COL11A1: variants seen among roughly 807,000 people sequenced by gnomAD.
The protein encoded by COL11A1 is collagen type XI alpha 1 chain, also known as collagen alpha-1(XI) chain.
Under a neutral mutation model 265.2 loss-of-function variants are expected in COL11A1, and 74 were observed. The observed-to-expected ratio is 0.28, with a 90% CI of 0.23 to 0.34. COL11A1 has a LOEUF of 0.34. COL11A1 is among the 10% of genes least tolerant of loss of function. The pLI is 1.00. For synonymous variants in COL11A1, 816 were observed against 727.6 expected, an observed-to-expected ratio of 1.12 and a Z score of -1.96; for missense variants, 2,165 against 2,263.6, an observed-to-expected ratio of 0.96 and a Z score of 0.88.
At position 102,938,927 on chromosome 1, in the gene COL11A1, T is replaced by G. The variant is rs1658428150; in HGVS notation, c.3438+108A>C. The stretch of plus-strand genomic sequence containing the variant: ...TGCAGAGGTAATGTAGTATTGGTAT[T>G]ATAAGTATTGGCTAGGAAAGTAAGT... On this transcript the variant is annotated intron_variant, in intron 44 of 66. Coordinates refer to ENST00000370096, the MANE Select transcript of COL11A1 (RefSeq NM_001854.4). 3.3e-6 allele frequency: 3 copies of G among 902,912 alleles called. No individual in the cohort carries two copies. The Admixed American group carries it at 5.1e-5, about 15-fold the overall frequency. The allele number at this position is 902,912 out of a possible 1,614,324, so 55.9% of individuals were successfully genotyped here.
At chr1:102,917,074 A>G (rs1447946421) in intron 49 of COL11A1, among the ~76,000 whole-genome samples, 1 of 151,838 alleles carries the variant, frequency 6.6e-6, no homozygotes, top group Non-Finnish European at 1.5e-5. Flanking sequence ...AATTCACAGG[A>G]AACCAAAAAA....
At chr1:103,057,386 C>G (rs1053184128) in intron 4 of COL11A1, among the ~76,000 whole-genome samples, 2 of 152,166 alleles carry the variant, frequency 1.3e-5, no homozygotes, top group African/African-American at 4.8e-5. Flanking sequence ...TCTGCCGCAT[C>G]GGCATTGACT....
intron 5 of COL11A1, among the ~76,000 whole-genome samples, chr1:103,028,949 T>G (rs1667772140): frequency 6.6e-6 from 1 of 152,100 alleles, no homozygotes; most frequent in African/African-American, 2.4e-5. Context: ...CCATCATAAT[T>G]TTAATATTAG....
chr1:103,021,659 C>T (rs763001658), intron 9 of COL11A1, 48 bp downstream of exon 9: 27 of 1,202,378 alleles, frequency 2.2e-5, no homozygotes, highest in Non-Finnish European at 3.4e-5. Flanking sequence ...AATCGTGGCT[C>T]ATAAGCAATT....
intron 63 of COL11A1, among the ~76,000 whole-genome samples, 198 bp downstream of exon 63, chr1:102,886,609 T>C (rs1651012173): frequency 6.6e-6 from 1 of 152,182 alleles, no homozygotes; most frequent in Admixed American, 6.6e-5. Flanking sequence ...TAAAATCCCA[T>C]TTAACAGACA....
At chr1:103,095,893 G>C (rs992901016) in intron 1 of COL11A1, among the ~76,000 whole-genome samples, 2 of 152,004 alleles carry the variant, frequency 1.3e-5, no homozygotes, top group African/African-American at 2.4e-5. Flanking sequence ...ATGTGAATAT[G>C]TGAATACTGC....
At chr1:102,924,110 A>G (rs1656308239) in intron 46 of COL11A1, among the ~76,000 whole-genome samples, 1 of 151,514 alleles carries the variant, frequency 6.6e-6, no homozygotes, top group African/African-American at 2.4e-5. Flanking sequence ...AGTCACAGCT[A>G]CTCGGGAGGC....
intron 63 of COL11A1, chr1:102,884,298 A>C (rs907204141): frequency 1.3e-5 from 2 of 152,138 alleles, no homozygotes; most frequent in African/African-American, 2.4e-5. Context: ...ATACTACTCT[A>C]ACTGTTATAG....
chr1:102,929,059 G>A (rs1376984801), intron 46 of COL11A1, among the ~76,000 whole-genome samples: 1 of 146,050 alleles, frequency 6.8e-6, no homozygotes, highest in Non-Finnish European at 1.5e-5. Context: ...CACTCTGACG[G>A]TAGTTTATTT....
At chr1:102,974,225 C>T (rs192502673) in intron 36 of COL11A1, among the ~76,000 whole-genome samples, 28 of 152,132 alleles carry the variant, frequency 1.8e-4, no homozygotes, top group Non-Finnish European at 3.1e-4. Context: ...GTTCTATGTC[C>T]CCACAAATAT....
chr1:103,038,300 CA>C, intron 4 of COL11A1, among the ~76,000 whole-genome samples: 1 of 151,900 alleles, frequency 6.6e-6, no homozygotes, highest in East Asian at 1.9e-4. Context: ...CATTCTCCAC[CA>C]AAAAAATACG....
chr1:103,031,565 A>G (rs557220492), intron 4 of COL11A1, among the ~76,000 whole-genome samples: 2 of 152,234 alleles, frequency 1.3e-5, no homozygotes, highest in Admixed American at 1.3e-4. Flanking sequence ...AATGTGAGCA[A>G]AAGGCTAATT....
At chr1:103,066,175 C>G (rs1671129591) in intron 4 of COL11A1, among the ~76,000 whole-genome samples, 1 of 151,582 alleles carries the variant, frequency 6.6e-6, no homozygotes, top group Admixed American at 6.6e-5. Context: ...AAAAGTGTAT[C>G]CTAGAAAAAT....
At chr1:102,952,823 C>T (rs138321298) in intron 41 of COL11A1, among the ~76,000 whole-genome samples, 63 of 152,294 alleles carry the variant, frequency 4.1e-4, no homozygotes, top group Non-Finnish European at 7.5e-4. Flanking sequence ...TAAATATTCT[C>T]ATGCCAACTT....
intron 63 of COL11A1, among the ~76,000 whole-genome samples, chr1:102,884,880 A>G (rs1305584928): frequency 6.6e-6 from 1 of 152,138 alleles, no homozygotes; most frequent in East Asian, 1.9e-4. Context: ...TTTCACTCCT[A>G]TAACCCTTAG....
chr1:102,950,491 A>G (rs577582514), intron 41 of COL11A1, among the ~76,000 whole-genome samples: 1 of 152,248 alleles, frequency 6.6e-6, no homozygotes, highest in African/African-American at 2.4e-5. Context: ...CTTTTTGAGA[A>G]TATATTTATC....
chr1:102,990,124 G>T (rs190911294), intron 28 of COL11A1, among the ~76,000 whole-genome samples: 20 of 152,150 alleles, frequency 1.3e-4, no homozygotes, highest in African/African-American at 4.3e-4. Flanking sequence ...GGTCAAGGCT[G>T]CAGTGAGCCG....
chr1:103,094,242 A>T (rs1218129285), intron 1 of COL11A1, among the ~76,000 whole-genome samples: 1 of 152,144 alleles, frequency 6.6e-6, no homozygotes, highest in Non-Finnish European at 1.5e-5. Flanking sequence ...CTTGATGAGG[A>T]TGAATGCTTC....
intron 4 of COL11A1, among the ~76,000 whole-genome samples, chr1:103,047,688 C>G (rs1416468665): frequency 6.6e-6 from 1 of 152,092 alleles, no homozygotes; most frequent in Non-Finnish European, 1.5e-5. Context: ...TTCCAGTTTT[C>G]AAAGAGAATG....
Sources: gnomAD v4.1 joint callset for allele counts (sites outside exome capture counted in the v4.1 genomes callset) on GRCh38, gnomAD v4.1.1 for gene constraint, MANE v1.5 for transcripts, NCBI Gene and HGNC (gene_info 2026-07-23, HGNC 2026-07-21) for gene names.